The following DIPK1A variants were observed in gnomAD, a reference collection of about 807,000 sequenced individuals.
DIPK1A encodes the protein family with sequence similarity 69 member A.
In DIPK1A, 27 loss-of-function variants were observed where a neutral mutation model predicts 40.8. The observed-to-expected ratio is 0.66, with a 90% CI of 0.49 to 0.91. The LOEUF (loss-of-function observed/expected upper bound fraction) is 0.91. Among genes scored for constraint, DIPK1A ranks in the 40% least tolerant of loss-of-function variants. The pLI, the probability that DIPK1A is intolerant of heterozygous loss-of-function variation, is 0.00. For synonymous variants in DIPK1A, 166 were observed against 171.3 expected (o/e 0.97, Z 0.24); for missense variants, 412 against 505.7 (o/e 0.81, Z 1.78).
rs201519925 is a variant in DIPK1A, at chr1:92,847,372, G to A, written c.298-13C>T. On this transcript the variant is annotated splice_polypyrimidine_tract_variant and intron_variant, in intron 3 of 4. Coordinates refer to ENST00000370310, the MANE Select transcript of DIPK1A (RefSeq NM_001006605.5). ...TCCCTAAATACATCTATGTAAAAAA[G>A]AGTGGCAAGTTATGTATTATACTGA... The A allele has an allele frequency of 9.2e-5, 146 of 1,583,028 alleles. No individual in the cohort carries two copies. The African/African-American group carries it at 1.9e-3, about 21-fold the overall frequency.
intron 1 of DIPK1A, among the ~76,000 whole-genome samples, chr1:92,898,692 A>T (rs377761451): frequency 6.6e-6 from 1 of 152,094 alleles, no homozygotes; most frequent in Non-Finnish European, 1.5e-5. Flanking sequence ...TTTGTTGCCC[A>T]GGCTGGTTTC....
At chr1:92,943,750 G>T (rs1651259083) in intron 1 of DIPK1A, among the ~76,000 whole-genome samples, 1 of 152,182 alleles carries the variant, frequency 6.6e-6, no homozygotes, top group African/African-American at 2.4e-5. Context: ...GCTCAGTCAG[G>T]CATCCATTCC....
intron 2 of DIPK1A, among the ~76,000 whole-genome samples, chr1:92,871,824 T>C (rs1035453619): frequency 2.0e-5 from 3 of 152,176 alleles, no homozygotes; most frequent in African/African-American, 7.2e-5. Context: ...TAATATTCCA[T>C]TGTATCTATA....
At chr1:92,891,424 G>A (rs1028443693) in intron 1 of DIPK1A, among the ~76,000 whole-genome samples, 3 of 151,828 alleles carry the variant, frequency 2.0e-5, no homozygotes, top group Non-Finnish European at 2.9e-5. Flanking sequence ...TTGGATGTAG[G>A]TGTTTATTGC....
intron 1 of DIPK1A, among the ~76,000 whole-genome samples, chr1:92,890,528 G>C (rs1648815607): frequency 1.3e-5 from 2 of 152,098 alleles, no homozygotes; most frequent in Non-Finnish European, 2.9e-5. Context: ...ATCATGAAAA[G>C]GTGTTTAATT....
intron 1 of DIPK1A, among the ~76,000 whole-genome samples, chr1:92,955,534 T>C (rs1651816627): frequency 2.0e-5 from 3 of 151,318 alleles, no homozygotes; most frequent in Admixed American, 2.0e-4. Flanking sequence ...CCGTCTCTGC[T>C]AAAAACACAA....
chr1:92,845,729 G>A (rs1396596765), intron 4 of DIPK1A, among the ~76,000 whole-genome samples: 7 of 151,872 alleles, frequency 4.6e-5, no homozygotes, highest in Admixed American at 6.6e-5. Flanking sequence ...CCAGCTACTC[G>A]GGAGGCTGAG....
At chr1:92,870,580 T>C (rs575175659) in intron 2 of DIPK1A, among the ~76,000 whole-genome samples, 20 of 152,332 alleles carry the variant, frequency 1.3e-4, no homozygotes, top group African/African-American at 4.3e-4. Flanking sequence ...ACTAAATCAT[T>C]TGGTCCACTG....
At chr1:92,936,122 A>G (rs1650936261) in intron 1 of DIPK1A, among the ~76,000 whole-genome samples, 2 of 152,060 alleles carry the variant, frequency 1.3e-5, no homozygotes, top group Non-Finnish European at 2.9e-5. Flanking sequence ...AAGAACAACA[A>G]AAAAACCTCA....
At chr1:92,839,685 AC>A (rs1245550334), downstream of DIPK1A, among the ~76,000 whole-genome samples, 61 of 152,326 alleles carry the variant, frequency 4.0e-4, no homozygotes, top group African/African-American at 1.4e-3. Context: ...ATATCTTAAT[AC>A]TTTTGGCACT....
At chr1:92,919,385 TA>T (rs1378020437) in intron 1 of DIPK1A, among the ~76,000 whole-genome samples, 37 of 152,206 alleles carry the variant, frequency 2.4e-4, no homozygotes, top group African/African-American at 8.4e-4. Context: ...GCTGCAACAA[TA>T]CCAAAGTACT....
At chr1:92,834,487 T>C (rs892013821) in intron 4 of DIPK1A, among the ~76,000 whole-genome samples, 1 of 152,218 alleles carries the variant, frequency 6.6e-6, no homozygotes, top group Admixed American at 6.5e-5. Context: ...GTTTGTTGAT[T>C]GTGAAGGCAT....
At chr1:92,872,630 G>T (rs992745942) in intron 2 of DIPK1A, among the ~76,000 whole-genome samples, 1 of 152,112 alleles carries the variant, frequency 6.6e-6, no homozygotes, top group Non-Finnish European at 1.5e-5. Context: ...TCCAGAGAGG[G>T]TTTCCTTCTG....
chr1:92,918,188 C>T (rs540849980), intron 1 of DIPK1A, among the ~76,000 whole-genome samples: 1 of 151,918 alleles, frequency 6.6e-6, no homozygotes, highest in African/African-American at 2.4e-5. Flanking sequence ...CTCACTCTGT[C>T]GCCCAGGCTG....
downstream of DIPK1A, among the ~76,000 whole-genome samples, chr1:92,839,932 C>A (rs1023420104): frequency 6.6e-6 from 1 of 151,126 alleles, no homozygotes; most frequent in Non-Finnish European, 1.5e-5. Context: ...CTTCAGACTT[C>A]TGGGCTCAAG....
intron 1 of DIPK1A, among the ~76,000 whole-genome samples, chr1:92,882,692 A>G (rs941878504): frequency 6.6e-6 from 1 of 152,238 alleles, no homozygotes; most frequent in Non-Finnish European, 1.5e-5. Context: ...TTTTTCAGTA[A>G]GCAATTTTTA....
intron 1 of DIPK1A, 91 bp downstream of exon 1, chr1:92,961,285 G>A (rs1458256331): frequency 4.2e-6 from 4 of 951,224 alleles, no homozygotes; most frequent in East Asian, 7.8e-5. Context: ...GACCCAGGGA[G>A]GGAGGAGGGG....
chr1:92,948,765 A>ATG (rs71577603), intron 1 of DIPK1A, among the ~76,000 whole-genome samples: 27 of 142,078 alleles, frequency 1.9e-4, no homozygotes, highest in Non-Finnish European at 2.9e-4. Context: ...ATGTATATAT[A>ATG]TGTGTGTGTG....
At chr1:92,840,369 G>A (rs1019578669), downstream of DIPK1A, 2 of 581,046 alleles carry the variant, frequency 3.4e-6, no homozygotes. Context: ...TGCATAAGGT[G>A]AAAATTGGGA....
Sources: gnomAD v4.1 joint callset for allele counts (sites outside exome capture counted in the v4.1 genomes callset) on GRCh38, gnomAD v4.1.1 for gene constraint, MANE v1.5 for transcripts, NCBI Gene and HGNC (gene_info 2026-07-23, HGNC 2026-07-21) for gene names.